Variants in DCLRE1B observed in about 807,000 individuals in gnomAD.
The protein encoded by DCLRE1B is DNA cross-link repair 1B.
In DCLRE1B, 6 loss-of-function variants were observed where a neutral mutation model predicts 19.8. That is an observed-to-expected ratio of 0.30 (90% CI 0.17 to 0.60). The LOEUF is 0.60. DCLRE1B is among the 20% of genes least tolerant of loss of function. The pLI, the probability that DCLRE1B is intolerant of heterozygous loss-of-function variation, is 0.87. For missense variants in DCLRE1B, 622 were observed against 654.2 expected (o/e 0.95, Z 0.54); for synonymous variants, 258 against 255.7 (o/e 1.01, Z -0.09).
intron 3 of DCLRE1B, among the ~76,000 whole-genome samples, chr1:113,910,508 GT>G (rs950902115): frequency 2.0e-5 from 3 of 150,366 alleles, no homozygotes; most frequent in Non-Finnish European, 3.0e-5. Flanking sequence ...TACTTTTTTT[GT>G]TTTTTTTTAA....
In DCLRE1B at chr1:113,912,086, G is replaced by T; in HGVS notation, c.1494G>T (p.Arg498Ser). 1 of 1,614,194 alleles carries T rather than the reference G, an allele frequency of 6.2e-7. No individual in the cohort carries two copies. Among genetic ancestry groups the T allele is most frequent in the Non-Finnish European group, 8.5e-7 (1 of 1,180,042 alleles). Residue 498 changes from arginine (R) to serine (S), a missense_variant, in exon 4 of 4, where the codon AGG becomes AGT. By Grantham distance (110) the Arg-to-Ser change is moderately radical. This residue lies in a region of DCLRE1B where 382 missense variants were observed against 412.5 expected (regional missense o/e 0.93). Transcript: ENST00000650450. ...CCCCTCTTCTAGCTACTGAATTCAGGGGTCTAGCACTCAAATATCTTCTGA... is the reference window on the plus strand; with the variant it reads ...CCCCTCTTCTAGCTACTGAATTCAGTGGTCTAGCACTCAAATATCTTCTGA... ...KGTPLLATEFRGLALKYLLTP... is the reference protein window; with the variant it reads ...KGTPLLATEFSGLALKYLLTP...
At chr1:113,909,369 T>G (rs988182792) in intron 3 of DCLRE1B, among the ~76,000 whole-genome samples, 6 of 152,242 alleles carry the variant, frequency 3.9e-5, no homozygotes, top group Non-Finnish European at 7.3e-5. Context: ...ATTTTTGTTT[T>G]ATAAAATAAA....
At chr1:113,908,246 T>C in intron 3 of DCLRE1B, 55 bp downstream of exon 3, 4 of 1,567,870 alleles carry the variant, frequency 2.6e-6, no homozygotes, top group South Asian at 1.2e-5. Context: ...CTAGATTCTT[T>C]AAGGATTCTC....
At chr1:113,907,311 G>C (rs987355064) in intron 2 of DCLRE1B, 150 bp downstream of exon 2, 9 of 713,704 alleles carry the variant, frequency 1.3e-5, no homozygotes, top group African/African-American at 2.0e-5. Flanking sequence ...TCCCGCTTCA[G>C]CCTCCACAGT....
intron 2 of DCLRE1B, 39 bp downstream of exon 2, chr1:113,907,200 AGAT>A: frequency 4.8e-5 from 15 of 314,530 alleles, no homozygotes; most frequent in South Asian, 9.1e-5. Flanking sequence ...TCTCCAGACT[AGAT>A]GTTTTTTTTT....
chr1:113,907,873 C>G (rs2101069694), intron 2 of DCLRE1B, 136 bp from the exon 3 acceptor site: 1 of 888,684 alleles, frequency 1.1e-6, no homozygotes, highest in South Asian at 1.7e-5. Context: ...GCTATACTGC[C>G]TAGTTCAGTG....
chr1:113,908,805 A>G (rs1380107703), intron 3 of DCLRE1B, among the ~76,000 whole-genome samples: 1 of 114,062 alleles, frequency 8.8e-6, no homozygotes, highest in Non-Finnish European at 1.7e-5. Flanking sequence ...ATACGCGTGC[A>G]CACACACACA....
At position 113,905,514 on chromosome 1, in the gene DCLRE1B, C is replaced by A; in HGVS notation, c.-73C>A. Reference sequence around the variant, plus strand: ...CCCCAGCATGACTTTTATCGGGACGCCGTTGTGGAAGCCTCACGCAGGAGC... The same window carrying A: ...CCCCAGCATGACTTTTATCGGGACGACGTTGTGGAAGCCTCACGCAGGAGC... On this transcript the variant is annotated 5_prime_UTR_variant, in exon 1 of 4. Transcript: ENST00000650450. The A allele has an allele frequency of 6.7e-7, 1 of 1,499,492 alleles. No homozygotes were observed. The allele number at this position is 1,499,492 out of a possible 1,614,324, so 92.9% of individuals were successfully genotyped here.
intron 3 of DCLRE1B, among the ~76,000 whole-genome samples, chr1:113,909,429 T>C (rs1315933483): frequency 2.6e-5 from 4 of 152,220 alleles, no homozygotes; most frequent in Admixed American, 2.6e-4. Flanking sequence ...GTTTCCAAAT[T>C]TGTGAGTCTA....
At chr1:113,907,219 T>G (rs993126903) in intron 2 of DCLRE1B, 58 bp downstream of exon 2, 22 of 1,251,208 alleles carry the variant, frequency 1.8e-5, no homozygotes, top group Middle Eastern at 4.9e-4. Context: ...TTTTTTTTTT[T>G]TTTTTTTTTT....
At chr1:113,907,912 C>T (rs749275459) in intron 2 of DCLRE1B, 97 bp from the exon 3 acceptor site, 6 of 1,371,808 alleles carry the variant, frequency 4.4e-6, no homozygotes, top group African/African-American at 2.9e-5. Flanking sequence ...TTTTCACAGA[C>T]TAGTAAGCAA....
chr1:113,904,679 C>T, upstream of DCLRE1B: 1 of 1,612,872 alleles, frequency 6.2e-7, no homozygotes, highest in South Asian at 1.1e-5. Context: ...GAGCCTTCTT[C>T]AGCTCCTTCA....
chr1:113,910,892 T>C (rs1363117756), intron 3 of DCLRE1B, among the ~76,000 whole-genome samples: 3 of 152,218 alleles, frequency 2.0e-5, no homozygotes, highest in African/African-American at 7.2e-5. Flanking sequence ...TTATTAGTTT[T>C]CATGGTGCCT....
rs755192360 is a variant in DCLRE1B at position 113,907,080 on chromosome 1, G to T, written c.274G>T (p.Val92Leu). 1 of 1,614,004 alleles carries T rather than the reference G, an allele frequency of 6.2e-7. No homozygotes were observed. The highest frequency in any genetic ancestry group is 1.1e-5 in the South Asian group (1 of 91,072). Residue 92 changes from valine (V) to leucine (L), a missense_variant, in exon 2 of 4, where the codon GTA (valine) becomes TTA (leucine). Physicochemically the swap from Val to Leu is conservative, Grantham distance 32. Around this residue, in one of 3 missense-constraint regions of DCLRE1B, gnomAD observed 237 missense variants for 223.8 expected, o/e 1.06. Transcript: ENST00000650450. The part of the protein sequence containing the change: ...LDEIGQETMT[V>L]TLLDANHCPG... ...TGAAATTGGACAAGAGACCATGACC[G>T]TAACCCTCCTCGATGCCAATCACTG...
At chr1:113,905,151 A>G (rs1378997321), upstream of DCLRE1B, 5 of 345,556 alleles carry the variant, frequency 1.4e-5, no homozygotes, top group Admixed American at 4.4e-5. Context: ...ACCAAACAGA[A>G]GACCGCTGCC....
Position 113,911,972 on chromosome 1 carries a change from G to A in DCLRE1B, c.1380G>A (p.Met460Ile), listed in dbSNP as rs2101075870. Residue 460 changes from methionine to isoleucine, a missense_variant, in exon 4 of 4, where the codon ATG becomes ATA. Met to Ile is a conservative substitution (Grantham distance 10, BLOSUM62 1). Transcript: ENST00000650450. ...EIGLGSPLVP[M>I]GDDDGGPEAT... ...GTTTAGGGTCCCCCTTGGTACCCATGGGAGATGATGATGGAGGTCCAGAAG... is the reference window on the plus strand; with the variant it reads ...GTTTAGGGTCCCCCTTGGTACCCATAGGAGATGATGATGGAGGTCCAGAAG... 1.2e-6 allele frequency: 2 copies of A among 1,614,202 alleles called. No homozygotes were observed. The highest frequency in any genetic ancestry group is 1.7e-6 in the Non-Finnish European group (2 of 1,180,032).
chr1:113,913,364 A>G lies in DCLRE1B; in HGVS notation c.*1173A>G, dbSNP rs1669334942. The G allele has an allele frequency of 6.5e-6, 1 of 152,768 alleles. No individual in the cohort carries two copies. The allele number at this position is 152,768 out of a possible 1,614,324, so 9.5% of individuals were successfully genotyped here. A position where few individuals can be genotyped will look rare whatever the true frequency, so the allele number is the denominator to read the frequency against. On this transcript the variant is annotated 3_prime_UTR_variant, in exon 4 of 4. Transcript: ENST00000650450. ...TTCCATTTCTTGTCCAGGGGATTTA[A>G]AAGAGTTTTCTGCTTTGAGAGAGAA...
intron 3 of DCLRE1B, 23 bp downstream of exon 3, chr1:113,908,214 C>G (rs776383613): frequency 5.0e-6 from 8 of 1,606,460 alleles, no homozygotes; most frequent in Non-Finnish European, 6.8e-6. Flanking sequence ...CTTTCAGTTT[C>G]CTGTCACCTG....
At chr1:113,905,212 T>G (rs1668835393), upstream of DCLRE1B, 1 of 336,470 alleles carries the variant, frequency 3.0e-6, no homozygotes, top group Non-Finnish European at 5.6e-6. Flanking sequence ...GACCTTAGGA[T>G]GCCCTTCCCC....
Sources: allele counts gnomAD v4.1 joint callset (sites outside exome capture counted in the v4.1 genomes callset), GRCh38; gene constraint gnomAD v4.1.1; regional missense constraint gnomAD v4.1.1; transcripts MANE v1.5; gene names NCBI Gene and HGNC (gene_info 2026-07-23, HGNC 2026-07-21).